Variants in HEATR4 observed in about 807,000 individuals in gnomAD.
HEATR4 encodes HEAT repeat-containing protein 4.
A neutral mutation model predicts 108.8 loss-of-function variants in HEATR4; 95 were observed. That is an observed-to-expected ratio of 0.87 (90% confidence interval 0.74 to 1.04). The LOEUF (loss-of-function observed/expected upper bound fraction) is 1.04, where lower values mean the gene tolerates loss of function less well. Ranked by LOEUF, HEATR4 falls within the 50% of genes least tolerant of loss-of-function variation. The pLI, the probability that HEATR4 is intolerant of heterozygous loss-of-function variation, is 0.00. For synonymous variants in HEATR4, 443 were observed against 459.4 expected (o/e 0.96, Z 0.46); for missense variants, 1,152 against 1,253.8 (o/e 0.92, Z 1.23).
At chr14:73,591,785 G>C in the HEATR4 span, 1 of 564,106 alleles carries the variant, frequency 1.8e-6, no homozygotes, top group Non-Finnish European at 2.7e-6. Flanking sequence ...CCTCAGACGA[G>C]TCCGGAGCGC....
intron 1 of HEATR4, chr14:73,537,309 T>C: frequency 1.0e-6 from 1 of 957,802 alleles, no homozygotes. Context: ...CAGACAGCTC[T>C]GCCCTAGTGG....
the HEATR4 span, among the ~76,000 whole-genome samples, chr14:73,602,626 C>T: frequency 6.6e-6 from 1 of 152,146 alleles, no homozygotes; most frequent in Non-Finnish European, 1.5e-5. Context: ...CCGCGTTCTC[C>T]CCGCTTTGTT....
chr14:73,591,816 C>T, the HEATR4 span: 1 of 751,638 alleles, frequency 1.3e-6, no homozygotes, highest in Non-Finnish European at 1.9e-6. Context: ...GGTCTGAAGT[C>T]CCAGGGGCTT....
At position 73,495,377 on chromosome 14, in the gene HEATR4, A is replaced by G; in HGVS notation, c.2636T>C (p.Leu879Pro). ...GTGTGTCAGCAAGTCCTTTTGGCTT[A>G]GTGTTTTAATCTAAATTAGAACAAA... ...LQEIKNRIKT[L>P]SQKDLLTHKI... The change falls in exon 16 of 18, where the codon CTA becomes CCA. Residue 879 changes from leucine to proline, a missense_variant. Physicochemically the swap from Leu to Pro is moderately conservative, Grantham distance 98. Coordinates refer to ENST00000553558, the MANE Select transcript of HEATR4 (RefSeq NM_001220484.1). 1 of 1,613,462 alleles carries G rather than the reference A, an allele frequency of 6.2e-7. No homozygotes were observed.
the HEATR4 span, chr14:73,612,872 C>T: frequency 7.1e-7 from 1 of 1,402,480 alleles, no homozygotes; most frequent in Non-Finnish European, 9.5e-7. Flanking sequence ...CGTGCGGACG[C>T]CCTTCGCCGT....
chr14:73,587,602 C>T, the HEATR4 span, among the ~76,000 whole-genome samples: 24 of 152,156 alleles, frequency 1.6e-4, no homozygotes, highest in African/African-American at 4.8e-4. Flanking sequence ...GTGATCTGCC[C>T]GCCTTGGCCT....
chr14:73,568,068 T>C, the HEATR4 span: 1 of 152,130 alleles, frequency 6.6e-6, no homozygotes, highest in African/African-American at 2.4e-5. Flanking sequence ...GACACAGAAT[T>C]ATTTGCCTTC....
the HEATR4 span, chr14:73,592,163 G>C: frequency 1.2e-6 from 2 of 1,602,414 alleles, no homozygotes; most frequent in African/African-American, 1.4e-5. Flanking sequence ...CACCCGCGCT[G>C]GGCGGCAGCT....
At chr14:73,588,784 T>C in the HEATR4 span, among the ~76,000 whole-genome samples, 1 of 152,022 alleles carries the variant, frequency 6.6e-6, no homozygotes, top group Admixed American at 6.6e-5. Flanking sequence ...ACATTTACTT[T>C]TCTTTTTTGT....
At chr14:73,516,546 T>A (rs1294249770) in intron 5 of HEATR4, among the ~76,000 whole-genome samples, 1 of 151,030 alleles carries the variant, frequency 6.6e-6, no homozygotes, top group Non-Finnish European at 1.5e-5. Context: ...CTGCCAACTT[T>A]TACTTTGGTT....
At chr14:73,566,036 A>G in the HEATR4 span, among the ~76,000 whole-genome samples, 1 of 151,968 alleles carries the variant, frequency 6.6e-6, no homozygotes, top group Non-Finnish European at 1.5e-5. Flanking sequence ...CGTCCCCACC[A>G]GAATAGTTAG....
the HEATR4 span, chr14:73,592,133 C>A: frequency 1.1e-5 from 17 of 1,569,360 alleles, no homozygotes; most frequent in African/African-American, 1.4e-4. Flanking sequence ...ACGCCCGCGG[C>A]GAGCTGGACC....
At chr14:73,508,434 T>G (rs938860217) in intron 8 of HEATR4, 140 bp from the exon 9 acceptor site, 1 of 708,266 alleles carries the variant, frequency 1.4e-6, no homozygotes, top group African/African-American at 1.8e-5. Flanking sequence ...AAATACAATT[T>G]CTTATTTAAA....
chr14:73,630,494 A>G, the HEATR4 span, among the ~76,000 whole-genome samples: 7 of 152,192 alleles, frequency 4.6e-5, no homozygotes, highest in Non-Finnish European at 8.8e-5. Context: ...ATGCCACCAT[A>G]GTGGTTCGCT....
At chr14:73,551,876 G>A (rs1889330762) in intron 1 of HEATR4, among the ~76,000 whole-genome samples, 1 of 110,786 alleles carries the variant, frequency 9.0e-6, no homozygotes, top group Non-Finnish European at 1.9e-5. Flanking sequence ...CTGGAAAAGG[G>A]AAGAAAGCCT....
chr14:73,612,830 G>C, the HEATR4 span: 3 of 1,424,810 alleles, frequency 2.1e-6, no homozygotes, highest in East Asian at 3.0e-5. Context: ...GTTGGAGCCC[G>C]AGAAAGCCTT....
At chr14:73,588,290 G>C in the HEATR4 span, among the ~76,000 whole-genome samples, 1 of 152,044 alleles carries the variant, frequency 6.6e-6, no homozygotes, top group Non-Finnish European at 1.5e-5. Context: ...ATGAGCCACC[G>C]AGCCCGGCCT....
the HEATR4 span, chr14:73,571,747 A>C: frequency 1.3e-5 from 2 of 152,148 alleles, no homozygotes; most frequent in South Asian, 4.2e-4. Context: ...TGGGGCCCAG[A>C]AATGTTCTTT....
chr14:73,558,561 G>T (rs1450801632), intron 1 of HEATR4, among the ~76,000 whole-genome samples, 190 bp downstream of exon 1: 2 of 123,194 alleles, frequency 1.6e-5, no homozygotes, highest in African/African-American at 6.3e-5. Flanking sequence ...TCACTATGTT[G>T]CTCAGGCTGG....
Sources: allele counts gnomAD v4.1 joint callset (sites outside exome capture counted in the v4.1 genomes callset), GRCh38; gene constraint gnomAD v4.1.1; transcripts MANE v1.5; gene names NCBI Gene and HGNC (gene_info 2026-07-23, HGNC 2026-07-21).